Variants in ZDHHC14 observed in about 807,000 individuals in gnomAD.
The protein encoded by ZDHHC14 is palmitoyltransferase ZDHHC14.
A neutral mutation model predicts 47.7 loss-of-function variants in ZDHHC14; 16 were observed. The ratio of observed to expected loss-of-function variants is 0.34; its 90% CI spans 0.23 to 0.51. The LOEUF (loss-of-function observed/expected upper bound fraction) is 0.51. Ranked by LOEUF, ZDHHC14 falls within the 20% of genes least tolerant of loss-of-function variation. The pLI is 0.97. For missense variants in ZDHHC14, 515 were observed against 662.5 expected, an observed-to-expected ratio of 0.78 and a Z score of 2.44; for synonymous variants, 293 against 278.9, an observed-to-expected ratio of 1.05 and a Z score of -0.50.
chr6:157,449,298 A>G (rs1411488610), intron 1 of ZDHHC14, among the ~76,000 whole-genome samples: 3 of 152,220 alleles, frequency 2.0e-5, no homozygotes, highest in African/African-American at 4.8e-5. Context: ...AGGTCAGGTA[A>G]AAAGAGGAGG....
Position 157,511,547 on chromosome 6 carries a change from C to CTTTTTTTTTTTTTTTT in ZDHHC14, c.246-31035_246-31020dup, listed in dbSNP as rs34988240. On this transcript the variant is annotated intron_variant, in intron 1 of 8. Transcript: ENST00000359775. ...AGGCATGCGCCACGAAGCCCGGGTA[C>CTTTTTTTTTTTTTTTT]TTTTTTTTTTTTTTTTTTGTATTTT... Among the ~76,000 whole-genome samples, 203 of 114,852 alleles carry CTTTTTTTTTTTTTTTT rather than the reference C, an allele frequency of 1.8e-3. 8 individuals are homozygous for CTTTTTTTTTTTTTTTT. Among genetic ancestry groups the CTTTTTTTTTTTTTTTT allele is most frequent in the African/African-American group, 5.3e-3 (141 of 26,700 alleles). 75.3% of individuals were successfully genotyped at this position (114,852 alleles called of 152,430 possible).
intron 2 of ZDHHC14, among the ~76,000 whole-genome samples, chr6:157,565,080 A>G (rs1286813004): frequency 1.3e-5 from 2 of 152,122 alleles, no homozygotes; most frequent in East Asian, 3.9e-4. Flanking sequence ...CCCCACCTCT[A>G]CTAAAAATAC....
intron 1 of ZDHHC14, among the ~76,000 whole-genome samples, chr6:157,414,905 A>G (rs761158839): frequency 6.0e-5 from 9 of 150,016 alleles, no homozygotes; most frequent in Non-Finnish European, 4.4e-5. Context: ...GCCTGTCCCA[A>G]GTACAGGCTT....
At chr6:157,420,232 T>C (rs1055736065) in intron 1 of ZDHHC14, among the ~76,000 whole-genome samples, 7 of 131,824 alleles carry the variant, frequency 5.3e-5, no homozygotes, top group African/African-American at 2.1e-4. Flanking sequence ...ATTGAAGGGG[T>C]GGGCTGAATC....
At chr6:157,612,149 G>A (rs1784774783) in intron 3 of ZDHHC14, among the ~76,000 whole-genome samples, 1 of 152,166 alleles carries the variant, frequency 6.6e-6, no homozygotes, top group Non-Finnish European at 1.5e-5. Flanking sequence ...ACCAGGCTCT[G>A]TACAGTTTGC....
chr6:157,665,959 G>A (rs1367812011), intron 8 of ZDHHC14, among the ~76,000 whole-genome samples: 1 of 152,200 alleles, frequency 6.6e-6, no homozygotes, highest in East Asian at 1.9e-4. Flanking sequence ...AGTATGTGCA[G>A]ATAACCCAGA....
In ZDHHC14 at chr6:157,382,222, G is replaced by A. The variant is rs1338519699; in HGVS notation, c.201G>A (p.Thr67=). The A allele has an allele frequency of 1.9e-6, 3 of 1,612,830 alleles. No homozygotes were observed. Among genetic ancestry groups the A allele is most frequent in the East Asian group, 4.5e-5 (2 of 44,710 alleles). Residue 67 remains threonine (T), a synonymous_variant, in exon 1 of 9, where the codon ACG becomes ACA. Coordinates refer to ENST00000359775, the MANE Select transcript of ZDHHC14 (RefSeq NM_024630.3). The part of the protein sequence containing the change: ...MARQTGVFYL[T]LVLILVTSGL... ...GGCAGACGGGCGTCTTCTACCTGAC[G>A]CTCGTCCTCATCCTGGTCACTAGCG...
chr6:157,606,910 G>T (rs1784560910), intron 3 of ZDHHC14, among the ~76,000 whole-genome samples: 2 of 152,164 alleles, frequency 1.3e-5, no homozygotes, highest in South Asian at 4.1e-4. Flanking sequence ...CACACTAGTG[G>T]TGTTTGTCAC....
intron 1 of ZDHHC14, among the ~76,000 whole-genome samples, chr6:157,473,143 C>T (rs1254221536): frequency 6.6e-6 from 1 of 152,160 alleles, no homozygotes; most frequent in Non-Finnish European, 1.5e-5. Context: ...TATATTAGCT[C>T]ACATACTTAT....
chr6:157,583,976 G>A (rs1388279782), intron 2 of ZDHHC14, among the ~76,000 whole-genome samples: 1 of 139,720 alleles, frequency 7.2e-6, no homozygotes, highest in Non-Finnish European at 1.6e-5. Flanking sequence ...TGATGAGCAG[G>A]GTGGGTGGGT....
chr6:157,629,367 CA>C (rs1250822512), intron 4 of ZDHHC14: 1 of 152,212 alleles, frequency 6.6e-6, no homozygotes, highest in African/African-American at 2.4e-5. Context: ...CCTTCATTAG[CA>C]AGTCCGTAGC....
intron 1 of ZDHHC14, among the ~76,000 whole-genome samples, chr6:157,522,802 T>C (rs1312013759): frequency 3.7e-5 from 1 of 26,900 alleles, no homozygotes; most frequent in Admixed American, 5.7e-4. Flanking sequence ...CCTCCCTCCC[T>C]CCCTCCCTCC....
chr6:157,424,837 G>GT (rs1562419992), intron 1 of ZDHHC14, among the ~76,000 whole-genome samples: 1 of 151,840 alleles, frequency 6.6e-6, no homozygotes, highest in Non-Finnish European at 1.5e-5. Context: ...CCTTCACTGC[G>GT]TCCCCAACCC....
At chr6:157,573,223 C>T (rs1235486142) in intron 2 of ZDHHC14, among the ~76,000 whole-genome samples, 2 of 152,180 alleles carry the variant, frequency 1.3e-5, no homozygotes, top group African/African-American at 2.4e-5. Flanking sequence ...TGTTGAGGAG[C>T]TCTGGGGACT....
intron 8 of ZDHHC14, among the ~76,000 whole-genome samples, chr6:157,663,000 T>C (rs968456354): frequency 5.9e-5 from 9 of 152,248 alleles, no homozygotes; most frequent in African/African-American, 9.6e-5. Flanking sequence ...AGGTTGGGTT[T>C]TTCTTACTTC....
At chr6:157,435,300 A>G (rs985578540) in intron 1 of ZDHHC14, among the ~76,000 whole-genome samples, 2 of 152,238 alleles carry the variant, frequency 1.3e-5, no homozygotes, top group African/African-American at 4.8e-5. Flanking sequence ...AAATCCGAGA[A>G]GAGGGCAAGA....
chr6:157,447,041 C>T (rs993464066), intron 1 of ZDHHC14, among the ~76,000 whole-genome samples: 11 of 152,006 alleles, frequency 7.2e-5, no homozygotes, highest in African/African-American at 2.4e-4. Flanking sequence ...ATCGCTTGAA[C>T]CCGGGACGTG....
chr6:157,560,949 A>G (rs149946862), intron 2 of ZDHHC14, among the ~76,000 whole-genome samples: 1 of 152,214 alleles, frequency 6.6e-6, no homozygotes, highest in Non-Finnish European at 1.5e-5. Context: ...CCACTAGAAC[A>G]TGAGAAAGAA....
intron 1 of ZDHHC14, among the ~76,000 whole-genome samples, chr6:157,384,969 A>G (rs1424219969): frequency 6.6e-6 from 1 of 152,124 alleles, no homozygotes; most frequent in Non-Finnish European, 1.5e-5. Flanking sequence ...TTTTATAGAG[A>G]TGGAGTCTGC....
Sources: gnomAD v4.1 joint callset for allele counts (sites outside exome capture counted in the v4.1 genomes callset) on GRCh38, gnomAD v4.1.1 for gene constraint, MANE v1.5 for transcripts, NCBI Gene and HGNC (gene_info 2026-07-23, HGNC 2026-07-21) for gene names.